The following JADE3 variants were observed in gnomAD, a reference collection of about 807,000 sequenced individuals.
The protein encoded by JADE3 is protein Jade-3.
In JADE3, 2 loss-of-function variants were observed where a neutral mutation model predicts 50.1. The observed-to-expected ratio is 0.04, with a 90% CI of 0.02 to 0.13. The LOEUF (loss-of-function observed/expected upper bound fraction) is 0.13. Among genes scored for constraint, JADE3 ranks in the 10% least tolerant of loss-of-function variants. The pLI is 1.00. For synonymous variants in JADE3, 218 were observed against 232.9 expected, an observed-to-expected ratio of 0.94 and a Z score of 0.58; for missense variants, 475 against 634.4, an observed-to-expected ratio of 0.75 and a Z score of 2.70.
intron 4 of JADE3, among the ~76,000 whole-genome samples, chrX:47,023,433 A>T (rs1928840749): frequency 8.9e-6 from 1 of 111,806 alleles, no homozygotes; most frequent in African/African-American, 3.2e-5. Flanking sequence ...TGTCCCTGCA[A>T]AGGACATGAT....
At position 47,033,667 on chromosome X, in the gene JADE3, G is replaced by A. The variant is rs782124338; in HGVS notation, c.734G>A (p.Arg245His). 1 of 1,205,372 alleles carries A rather than the reference G, an allele frequency of 8.3e-7. No individual in the cohort carries two copies. Among genetic ancestry groups the A allele is most frequent in the Non-Finnish European group, 1.1e-6 (1 of 892,966 alleles). ...GTCCCAGAAGGCAGCTGGCTGTGTC[G>A]CTCCTGTGTCCTGGGCATTTATCCG... ...LKVPEGSWLC[R>H]SCVLGIYPQC... The change falls in exon 7 of 11, where the codon CGC becomes CAC. Residue 245 changes from arginine to histidine, a missense_variant. Arg to His is a conservative substitution (Grantham distance 29). Transcript: ENST00000614628.
intron 1 of JADE3, among the ~76,000 whole-genome samples, chrX:46,956,011 C>A (rs1556346211): frequency 1.8e-5 from 2 of 111,935 alleles, no homozygotes; most frequent in African/African-American, 6.5e-5. Flanking sequence ...TTAAAGCTAT[C>A]TATTTTCCTA....
At chrX:46,961,721 A>G (rs1391331012) in intron 1 of JADE3, among the ~76,000 whole-genome samples, 1 of 111,823 alleles carries the variant, frequency 8.9e-6, no homozygotes, top group African/African-American at 3.3e-5. Context: ...AACATCCTGT[A>G]CTGAGGGAAC....
chrX:46,933,418 A>G (rs1467619139), intron 1 of JADE3, among the ~76,000 whole-genome samples: 2 of 112,578 alleles, frequency 1.8e-5, no homozygotes, highest in Non-Finnish European at 3.7e-5. Flanking sequence ...TATTAAACAC[A>G]CAAATTTGAA....
chrX:47,038,361 T>G (rs1025731350), intron 7 of JADE3, among the ~76,000 whole-genome samples: 1 of 111,223 alleles, frequency 9.0e-6, no homozygotes, highest in Non-Finnish European at 1.9e-5. Context: ...TGTGTTTTTT[T>G]TAGAATCCTC....
chrX:46,979,474 T>C (rs1927694613), intron 1 of JADE3, among the ~76,000 whole-genome samples: 1 of 111,643 alleles, frequency 9.0e-6, no homozygotes, highest in African/African-American at 3.3e-5. Context: ...TAAAACTGTT[T>C]TTTCTATGAC....
chrX:46,957,258 T>A (rs1927153568), intron 1 of JADE3, among the ~76,000 whole-genome samples: 1 of 111,574 alleles, frequency 9.0e-6, no homozygotes, highest in South Asian at 3.7e-4. Flanking sequence ...GATAGATAGA[T>A]ATAAACGATA....
intron 10 of JADE3, 46 bp from the exon 11 acceptor site, chrX:47,058,121 A>G: frequency 9.3e-7 from 1 of 1,077,019 alleles, no homozygotes; most frequent in Non-Finnish European, 1.3e-6. Context: ...CACAAAAGCC[A>G]TTATTTAAAT....
In JADE3 at chrX:47,058,656, G is replaced by A. The variant is rs782730015; in HGVS notation, c.2051G>A (p.Ser684Asn). The change falls in exon 11 of 11, where the codon AGT becomes AAT. Residue 684 changes from serine (S) to asparagine (N), a missense_variant. Around this residue, in one of 6 missense-constraint regions of JADE3, gnomAD observed 243 missense variants for 238.2 expected, o/e 1.02. Transcript: ENST00000614628. ...AATGTCACCCAAAAAGACAGCTCGA[G>A]TGAGATGTTCTGTGACCAGGAGCCT... ...SGNVTQKDSSSEMFCDQEPVF... is the reference protein window; with the variant it reads ...SGNVTQKDSSNEMFCDQEPVF... 8 of 1,209,801 alleles carry A rather than the reference G, an allele frequency of 6.6e-6. No homozygotes were observed. The highest frequency in any genetic ancestry group is 6.6e-5 in the Admixed American group (3 of 45,635).
intron 4 of JADE3, among the ~76,000 whole-genome samples, chrX:47,019,723 C>G (rs1222491008): frequency 8.9e-6 from 1 of 111,974 alleles, no homozygotes; most frequent in Non-Finnish European, 1.9e-5. Flanking sequence ...TGAGGGGTCT[C>G]TGTACATAAG....
At chrX:46,979,192 A>G (rs2044956130) in intron 1 of JADE3, among the ~76,000 whole-genome samples, 2 of 112,697 alleles carry the variant, frequency 1.8e-5, no homozygotes, top group African/African-American at 6.4e-5. Flanking sequence ...TATAATAAAA[A>G]ATAGTTGTTA....
At position 47,058,985 on chromosome X, in the gene JADE3, T is replaced by C; in HGVS notation, c.2380T>C (p.Ser794Pro). 1 of 1,209,632 alleles carries C rather than the reference T, an allele frequency of 8.3e-7. No individual in the cohort carries two copies. The highest frequency in any genetic ancestry group is 1.1e-6 in the Non-Finnish European group (1 of 894,214). ...KEKVRVRKDS[S>P]DRENPPHDSR... ...AAAAGTCAGGGTAAGGAAAGATAGC[T>C]CAGACAGGGAAAATCCTCCCCATGA... Residue 794 changes from serine (S) to proline (P), a missense_variant, in exon 11 of 11, where the codon TCA becomes CCA. By Grantham distance (74) the Ser-to-Pro change is moderately conservative. This residue lies in a region of JADE3 where 243 missense variants were observed against 238.2 expected (regional missense o/e 1.02). Transcript: ENST00000614628.
chrX:46,917,834 C>CCCTCT (rs1926127862), intron 1 of JADE3, among the ~76,000 whole-genome samples: 7 of 42,539 alleles, frequency 1.6e-4, no homozygotes, highest in Admixed American at 6.6e-4. Flanking sequence ...TCTCTCTCAT[C>CCCTCT]CTCTCTCTCT....
intron 4 of JADE3, among the ~76,000 whole-genome samples, chrX:47,004,759 G>A: frequency 8.9e-6 from 1 of 112,440 alleles, no homozygotes; most frequent in Non-Finnish European, 1.9e-5. Flanking sequence ...TAGATAATTT[G>A]AATAGCCCTG....
Position 47,061,159 on chromosome X carries a change from G to A in JADE3, c.*2082G>A, listed in dbSNP as rs938823815. On this transcript the variant is annotated 3_prime_UTR_variant, in exon 11 of 11. Transcript: ENST00000614628. ...AATTTTTTTCATTTTGTCTTATATA[G>A]TCCAGTTTTCCAAGATAAGCTCAGT... 1.8e-5 allele frequency: 2 copies of A among 111,132 alleles called. No homozygotes were observed. Among genetic ancestry groups the A allele is most frequent in the Non-Finnish European group, 3.8e-5 (2 of 52,936 alleles). 9.2% of individuals were successfully genotyped at this position (111,132 alleles called of 1,213,427 possible).
chrX:46,941,008 C>G, intron 1 of JADE3, among the ~76,000 whole-genome samples: 1 of 110,358 alleles, frequency 9.1e-6, no homozygotes, highest in Admixed American at 9.8e-5. Flanking sequence ...TGCATGACAT[C>G]GAGGTTTAGG....
chrX:46,992,302 C>T (rs1326113027), intron 3 of JADE3, among the ~76,000 whole-genome samples: 1 of 107,579 alleles, frequency 9.3e-6, no homozygotes, highest in Non-Finnish European at 1.9e-5. Flanking sequence ...CCCGGCCCTG[C>T]CCCCACCCCA....
chrX:47,055,313 A>G (rs1359415416), intron 9 of JADE3, among the ~76,000 whole-genome samples: 2 of 111,890 alleles, frequency 1.8e-5, no homozygotes, highest in Non-Finnish European at 3.8e-5. Context: ...GAATTTTCTA[A>G]TTAAATGTAA....
At chrX:47,035,410 T>C (rs184199764) in intron 7 of JADE3, among the ~76,000 whole-genome samples, 19 of 112,061 alleles carry the variant, frequency 1.7e-4, no homozygotes, top group South Asian at 3.7e-4. Flanking sequence ...AATATTTGAA[T>C]AGTAGTTTCT....
Sources: allele counts gnomAD v4.1 joint callset (sites outside exome capture counted in the v4.1 genomes callset), GRCh38; gene constraint gnomAD v4.1.1; regional missense constraint gnomAD v4.1.1; transcripts MANE v1.5; gene names NCBI Gene and HGNC (gene_info 2026-07-23, HGNC 2026-07-21).